Variants in TLCD4 observed in about 807,000 individuals in gnomAD.
The protein encoded by TLCD4 is TLC domain containing 4.
Under a neutral mutation model 24.2 loss-of-function variants are expected in TLCD4, and 7 were observed. That is an observed-to-expected ratio of 0.29 (90% CI 0.16 to 0.54). The LOEUF (loss-of-function observed/expected upper bound fraction) is 0.54, where lower values mean the gene tolerates loss of function less well. TLCD4 is among the 20% of genes least tolerant of loss of function. TLCD4 has a pLI of 0.95. For missense variants in TLCD4, 259 were observed against 313.9 expected (o/e 0.82, Z 1.32); for synonymous variants, 103 against 106.4 (o/e 0.97, Z 0.20).
At chr1:95,105,893 T>TCACAAAAAAAAA in the TLCD4 span, among the ~76,000 whole-genome samples, 1 of 102,886 alleles carries the variant, frequency 9.7e-6, no homozygotes, top group Admixed American at 1.1e-4. Flanking sequence ...AGACTCCGTC[T>TCACAAAAAAAAA]TAAAAAAAAA....
chr1:95,182,204 C>CT (rs967030999), intron 6 of TLCD4, among the ~76,000 whole-genome samples: 167 of 141,216 alleles, frequency 1.2e-3, no homozygotes, highest in African/African-American at 1.8e-3. Context: ...GACAAGCCCA[C>CT]TTTTTTTTTT....
chr1:95,158,387 T>C lies in TLCD4; in HGVS notation c.399+6968T>C, dbSNP rs984799169. Reference sequence around the variant, plus strand: ...CTATAGAGATGGGGTCAGCCTATGTTGCCCAGGCTGGTCTCAAACTGCTGG... The same window carrying C: ...CTATAGAGATGGGGTCAGCCTATGTCGCCCAGGCTGGTCTCAAACTGCTGG... On this transcript the variant is annotated intron_variant, in intron 5 of 6. Coordinates refer to ENST00000370203, the MANE Select transcript of TLCD4 (RefSeq NM_152487.3). Among the ~76,000 whole-genome samples, 3 of 151,958 alleles carry C rather than the reference T, an allele frequency of 2.0e-5. No individual in the cohort carries two copies. In the East Asian group the frequency reaches 5.8e-4, roughly 29 times the overall value.
chr1:95,122,708 A>G (rs1210881114), intron 1 of TLCD4, among the ~76,000 whole-genome samples: 26 of 152,222 alleles, frequency 1.7e-4, no homozygotes, highest in Admixed American at 1.7e-3. Context: ...GAATTCTGCC[A>G]TGGCAAACTC....
chr1:95,187,845 G>T (rs1678878767), intron 6 of TLCD4, among the ~76,000 whole-genome samples: 1 of 151,808 alleles, frequency 6.6e-6, no homozygotes, highest in South Asian at 2.1e-4. Flanking sequence ...CAAGACCAAG[G>T]TGCCTGCAGG....
chr1:95,112,201 G>C, the TLCD4 span, among the ~76,000 whole-genome samples: 1 of 151,836 alleles, frequency 6.6e-6, no homozygotes, highest in Non-Finnish European at 1.5e-5. Context: ...GTGTCTCCTG[G>C]GGCAGGGGAA....
At chr1:95,117,058 C>T (rs1557674381), upstream of TLCD4, among the ~76,000 whole-genome samples, 1 of 152,218 alleles carries the variant, frequency 6.6e-6, no homozygotes, top group Non-Finnish European at 1.5e-5. Context: ...TTTTTTGTTA[C>T]GTGGCTAGCC....
At chr1:95,156,375 G>C (rs1174260088) in intron 5 of TLCD4, among the ~76,000 whole-genome samples, 2 of 149,928 alleles carry the variant, frequency 1.3e-5, no homozygotes, top group African/African-American at 2.4e-5. Context: ...TATGGGATTT[G>C]TGTAGACATG....
At chr1:95,184,220 C>T (rs116526254) in intron 6 of TLCD4, among the ~76,000 whole-genome samples, 1 of 152,216 alleles carries the variant, frequency 6.6e-6, no homozygotes, top group Non-Finnish European at 1.5e-5. Context: ...CTCTTCATTC[C>T]TCTTGGACTC....
In TLCD4 at chr1:95,143,994, A is replaced by G; in HGVS notation, c.93A>G (p.Ser31=). The G allele has an allele frequency of 1.3e-6, 2 of 1,574,668 alleles. No homozygotes were observed. Among genetic ancestry groups the G allele is most frequent in the Non-Finnish European group, 8.6e-7 (1 of 1,161,270 alleles). The part of the protein sequence containing the change: ...LLFYFVSYWF[S]AKVSPGFNSL... ...TCTACTTTGTAAGTTACTGGTTTTCAGCAAAAGTTTCTCCAGGTTTCAATA... is the reference window on the plus strand; with the variant it reads ...TCTACTTTGTAAGTTACTGGTTTTCGGCAAAAGTTTCTCCAGGTTTCAATA... Residue 31 remains serine, a synonymous_variant, in exon 2 of 7, where the codon TCA becomes TCG. Transcript: ENST00000370203.
At chr1:95,094,944 T>G in the TLCD4 span, among the ~76,000 whole-genome samples, 2 of 152,196 alleles carry the variant, frequency 1.3e-5, no homozygotes, top group African/African-American at 4.8e-5. Flanking sequence ...TGTGCATCCA[T>G]GAGTATGAGT....
chr1:95,129,380 G>A (rs891387110), intron 1 of TLCD4, among the ~76,000 whole-genome samples: 3 of 152,168 alleles, frequency 2.0e-5, no homozygotes, highest in Non-Finnish European at 2.9e-5. Flanking sequence ...AGGAACCATA[G>A]AGAAATCTTT....
rs1679124073 is a variant in TLCD4, at chr1:95,194,296, A to C, written c.*2428A>C. 6.6e-6 allele frequency: 1 copy of C among 152,140 alleles called. No homozygotes were observed. The highest frequency in any genetic ancestry group is 2.4e-5 in the African/African-American group (1 of 41,442). The allele number at this position is 152,140 out of a possible 1,614,324, so 9.4% of individuals were successfully genotyped here. ...AAGTAGGTTCTATATATTTCCTCATACAACAGACATGGAATGGAAATGCCA... is the reference window on the plus strand; with the variant it reads ...AAGTAGGTTCTATATATTTCCTCATCCAACAGACATGGAATGGAAATGCCA... On this transcript the variant is annotated 3_prime_UTR_variant, in exon 7 of 7. Transcript: ENST00000370203.
chr1:95,113,834 T>A (rs2100889857), upstream of TLCD4, among the ~76,000 whole-genome samples: 1 of 152,176 alleles, frequency 6.6e-6, no homozygotes, highest in East Asian at 1.9e-4. Flanking sequence ...GAGGATTGTT[T>A]CTGTATTTTA....
chr1:95,183,779 A>C (rs1678731892), intron 6 of TLCD4, among the ~76,000 whole-genome samples: 1 of 152,170 alleles, frequency 6.6e-6, no homozygotes, highest in African/African-American at 2.4e-5. Context: ...CGGAGATTGC[A>C]GTGAGCCGAG....
intron 1 of TLCD4, among the ~76,000 whole-genome samples, chr1:95,122,798 G>C (rs946772629): frequency 6.6e-6 from 1 of 151,834 alleles, no homozygotes; most frequent in Non-Finnish European, 1.5e-5. Flanking sequence ...AAACTTTCTT[G>C]GTCAAATTAA....
intron 1 of TLCD4, among the ~76,000 whole-genome samples, chr1:95,141,997 T>G (rs1307207489): frequency 6.6e-6 from 1 of 152,214 alleles, no homozygotes; most frequent in Non-Finnish European, 1.5e-5. Context: ...TTTCAGTAGG[T>G]GACTTTATTT....
intron 5 of TLCD4, among the ~76,000 whole-genome samples, chr1:95,165,812 T>G (rs1040748488): frequency 1.3e-5 from 2 of 152,210 alleles, no homozygotes; most frequent in African/African-American, 2.4e-5. Flanking sequence ...GCCAAAATTC[T>G]CTTCAGAGAA....
intron 1 of TLCD4, among the ~76,000 whole-genome samples, chr1:95,123,325 C>A (rs1182152422): frequency 6.6e-6 from 1 of 152,102 alleles, no homozygotes; most frequent in Non-Finnish European, 1.5e-5. Flanking sequence ...CTTACATGCC[C>A]TATGGAAAAG....
chr1:95,144,065 T>C lies in TLCD4; in HGVS notation c.155+9T>C. On this transcript the variant is annotated intron_variant, in intron 2 of 6. Transcript: ENST00000370203. ...ATTGAATGGAACTCAAGGTAAAGCA[T>C]ATGAAAATGTAATTGATGACAAGAA... The C allele has an allele frequency of 6.9e-7, 1 of 1,456,202 alleles. No homozygotes were observed. Among genetic ancestry groups the C allele is most frequent in the East Asian group, 2.6e-5 (1 of 38,806 alleles). 90.2% of individuals were successfully genotyped at this position (1,456,202 alleles called of 1,614,324 possible). A position where few individuals can be genotyped will look rare whatever the true frequency, so the allele number is the denominator to read the frequency against.
Sources: allele counts gnomAD v4.1 joint callset (sites outside exome capture counted in the v4.1 genomes callset), GRCh38; gene constraint gnomAD v4.1.1; transcripts MANE v1.5; gene names NCBI Gene and HGNC (gene_info 2026-07-23, HGNC 2026-07-21).